Variants in TMEM63C observed in about 807,000 individuals in gnomAD.
The protein encoded by TMEM63C is osmosensitive cation channel TMEM63C.
Under a neutral mutation model 99.2 loss-of-function variants are expected in TMEM63C, and 32 were observed. The observed-to-expected ratio is 0.32, with a 90% CI of 0.24 to 0.43. The LOEUF (loss-of-function observed/expected upper bound fraction) is 0.43, where lower values mean the gene tolerates loss of function less well. Ranked by LOEUF, TMEM63C falls within the 20% of genes least tolerant of loss-of-function variation. The probability of loss-of-function intolerance (pLI) is 1.00; values close to 1 mark genes in which losing one functional copy is unlikely to be tolerated. For synonymous variants in TMEM63C, 376 were observed against 397.9 expected, an observed-to-expected ratio of 0.94 and a Z score of 0.66; for missense variants, 826 against 1,053.0, an observed-to-expected ratio of 0.78 and a Z score of 2.98.
intron 1 of TMEM63C, among the ~76,000 whole-genome samples, chr14:77,207,191 G>A (rs1168756553): frequency 6.6e-6 from 1 of 152,238 alleles, no homozygotes; most frequent in Admixed American, 6.5e-5. Flanking sequence ...TCCTGGCAAG[G>A]AGAGGCATCT....
chr14:77,214,991 C>T (rs1211078302), intron 2 of TMEM63C, among the ~76,000 whole-genome samples: 1 of 152,156 alleles, frequency 6.6e-6, no homozygotes, highest in Non-Finnish European at 1.5e-5. Context: ...CAATTATTCA[C>T]CTGCTACACC....
intron 10 of TMEM63C, among the ~76,000 whole-genome samples, chr14:77,239,187 G>A (rs1182741257): frequency 3.9e-5 from 6 of 152,214 alleles, no homozygotes; most frequent in South Asian, 2.1e-4. Flanking sequence ...GTGGAGCTCC[G>A]CCCTTTTGCC....
chr14:77,247,429 G>C (rs1889285405), intron 18 of TMEM63C, among the ~76,000 whole-genome samples: 1 of 152,070 alleles, frequency 6.6e-6, no homozygotes, highest in Admixed American at 6.6e-5. Flanking sequence ...TCGAACTCCT[G>C]GCCTCAAGTG....
Position 77,216,095 on chromosome 14 carries a change from AAG to A in TMEM63C, c.-14+2594_-14+2595del, listed in dbSNP as rs1434058643. Among the ~76,000 whole-genome samples, 12 of 148,034 alleles carry A rather than the reference AAG, an allele frequency of 8.1e-5. No individual in the cohort carries two copies. The East Asian group carries it at 2.2e-3, about 27-fold the overall frequency. ...TAGAGAGAGAGGAAGGAAGGTAGAA[AAG>A]AGAGAGGAAGGAAGGAAGGAAGGAG... On this transcript the variant is annotated intron_variant, in intron 2 of 23. Transcript: ENST00000298351.
intron 1 of TMEM63C, among the ~76,000 whole-genome samples, chr14:77,190,120 T>TATG (rs1555345940): frequency 6.6e-5 from 10 of 151,746 alleles, no homozygotes; most frequent in African/African-American, 2.2e-4. Context: ...GAATTATGAT[T>TATG]ATTATTATTA....
intron 13 of TMEM63C, among the ~76,000 whole-genome samples, chr14:77,241,638 A>C (rs549397526): frequency 6.6e-6 from 1 of 152,356 alleles, no homozygotes; most frequent in South Asian, 2.1e-4. Flanking sequence ...CAAGTTCCTT[A>C]CACTCTCAAC....
chr14:77,206,938 G>A (rs1888412631), intron 1 of TMEM63C, among the ~76,000 whole-genome samples: 1 of 151,284 alleles, frequency 6.6e-6, no homozygotes, highest in African/African-American at 2.4e-5. Context: ...ATTGTATCCT[G>A]CTGTTTTTAT....
Position 77,236,732 on chromosome 14 carries a change from G to A in TMEM63C, c.651G>A (p.Lys217=). ...GGTTTGCACCCAGGAATAGCCAAAA[G>A]GTAAGTAGCCTACAAAGCTGCTTCC... The part of the protein sequence containing the change: ...CLGFAPRNSQ[K]VTRTLMITYV... The change falls in exon 9 of 24, where the codon AAG becomes AAA. Residue 217 remains lysine, a splice_region_variant and synonymous_variant. Transcript: ENST00000298351. 6.2e-7 allele frequency: 1 copy of A among 1,604,946 alleles called. No individual in the cohort carries two copies. Among genetic ancestry groups the A allele is most frequent in the Non-Finnish European group, 8.5e-7 (1 of 1,172,396 alleles).
intron 14 of TMEM63C, 101 bp downstream of exon 14, chr14:77,242,570 C>T: frequency 6.9e-7 from 1 of 1,454,880 alleles, no homozygotes; most frequent in Non-Finnish European, 9.4e-7. Flanking sequence ...CCAACAGAGA[C>T]TCCAAGGGGA....
chr14:77,199,687 G>C (rs1453936074), intron 1 of TMEM63C, among the ~76,000 whole-genome samples: 2 of 152,130 alleles, frequency 1.3e-5, no homozygotes, highest in Non-Finnish European at 2.9e-5. Context: ...CTCTTACTCT[G>C]CCTTGGGTGT....
intron 5 of TMEM63C, among the ~76,000 whole-genome samples, chr14:77,224,450 G>C (rs957821243): frequency 6.6e-6 from 1 of 152,044 alleles, no homozygotes; most frequent in African/African-American, 2.4e-5. Flanking sequence ...GGCCAATCTA[G>C]AGCTGTAACC....
rs756231784 is a variant in TMEM63C at position 77,240,616 on chromosome 14, C to T, written c.1064+8C>T. On this transcript the variant is annotated splice_region_variant and intron_variant, in intron 13 of 23. Coordinates refer to ENST00000298351, the MANE Select transcript of TMEM63C (RefSeq NM_020431.4). ...CTCCAGGATGGCCAAGCGGTGAGCACCAGGCAGGCGCCCCACCCAGCCCCA... is the reference window on the plus strand; with the variant it reads ...CTCCAGGATGGCCAAGCGGTGAGCATCAGGCAGGCGCCCCACCCAGCCCCA... 3.1e-6 allele frequency: 5 copies of T among 1,606,824 alleles called. No homozygotes were observed. In the Admixed American group the frequency reaches 8.3e-5, roughly 27 times the overall value.
intron 5 of TMEM63C, among the ~76,000 whole-genome samples, chr14:77,220,792 TC>T (rs1888679152): frequency 6.7e-6 from 1 of 150,040 alleles, no homozygotes; most frequent in Non-Finnish European, 1.5e-5. Flanking sequence ...ACGTCCTCCC[TC>T]CCCACCCCCA....
At chr14:77,212,403 G>A (rs1888509160) in intron 1 of TMEM63C, 2 of 152,240 alleles carry the variant, frequency 1.3e-5, no homozygotes, top group Admixed American at 1.3e-4. Context: ...CTGTGAAAGT[G>A]ATGTCTAAAC....
At chr14:77,191,262 C>T (rs550193320) in intron 1 of TMEM63C, among the ~76,000 whole-genome samples, 1 of 152,130 alleles carries the variant, frequency 6.6e-6, no homozygotes, top group African/African-American at 2.4e-5. Flanking sequence ...GATGGAACGG[C>T]TTCACAGACT....
rs1176570031 is a variant in TMEM63C at position 77,217,161 on chromosome 14, C to T, written c.-13-1640C>T. Among the ~76,000 whole-genome samples the T allele has an allele frequency of 1.5e-4, 23 of 151,112 alleles. 1 individual carries two copies. Among genetic ancestry groups the T allele is most frequent in the African/African-American group, 2.5e-5 (1 of 40,804 alleles). Reference sequence around the variant, plus strand: ...TATCTCTCTCTTAAAAAAAAAAAGTCATTTTAATTCACTCCATGGCTCACT... The same window carrying T: ...TATCTCTCTCTTAAAAAAAAAAAGTTATTTTAATTCACTCCATGGCTCACT... On this transcript the variant is annotated intron_variant, in intron 2 of 23. Transcript: ENST00000298351.
At chr14:77,214,516 G>A (rs1888547995) in intron 2 of TMEM63C, among the ~76,000 whole-genome samples, 1 of 151,964 alleles carries the variant, frequency 6.6e-6, no homozygotes, top group South Asian at 2.1e-4. Context: ...ATGGAGACGT[G>A]TCTTTCTTGT....
intron 1 of TMEM63C, among the ~76,000 whole-genome samples, chr14:77,187,593 A>G (rs887415091): frequency 1.1e-4 from 17 of 152,220 alleles, no homozygotes; most frequent in African/African-American, 3.6e-4. Flanking sequence ...AGGAAGGGAC[A>G]GGAAGCCCCT....
At position 77,239,499 on chromosome 14, in the gene TMEM63C, C is replaced by T. The variant is rs1485963202; in HGVS notation, c.806+7C>T. 6.8e-6 allele frequency: 11 copies of T among 1,613,378 alleles called. No homozygotes were observed. Among genetic ancestry groups the T allele is most frequent in the Non-Finnish European group, 9.3e-6 (11 of 1,179,774 alleles). ...TCGACTTGGACGATCAGAGGTGAGG[C>T]TGCAGCGGGGCCTTTTGGGGCCCGG... is the stretch of plus-strand genomic sequence containing the variant. On this transcript the variant is annotated splice_region_variant and intron_variant, in intron 11 of 23. Transcript: ENST00000298351.
Sources: gnomAD v4.1 joint callset for allele counts (sites outside exome capture counted in the v4.1 genomes callset) on GRCh38, gnomAD v4.1.1 for gene constraint, MANE v1.5 for transcripts, NCBI Gene and HGNC (gene_info 2026-07-23, HGNC 2026-07-21) for gene names.